The following AAGAB variants were observed in gnomAD, a reference collection of about 807,000 sequenced individuals.
AAGAB encodes alpha- and gamma-adaptin-binding protein p34.
A neutral mutation model predicts 44.1 loss-of-function variants in AAGAB; 38 were observed. The ratio of observed to expected loss-of-function variants is 0.86; its 90% CI spans 0.67 to 1.13. AAGAB has a LOEUF of 1.13. AAGAB is among the 50% of genes most tolerant of loss of function. The pLI, the probability that AAGAB is intolerant of heterozygous loss-of-function variation, is 0.00. For synonymous variants in AAGAB, 131 were observed against 131.8 expected, an observed-to-expected ratio of 0.99 and a Z score of 0.04; for missense variants, 450 against 373.8, an observed-to-expected ratio of 1.20 and a Z score of -1.68.
intron 1 of AAGAB, among the ~76,000 whole-genome samples, chr15:67,240,666 C>G (rs1964575126): frequency 6.6e-6 from 1 of 152,168 alleles, no homozygotes; most frequent in African/African-American, 2.4e-5. Flanking sequence ...TTTACAAAGC[C>G]ATCAATTCTC....
At chr15:67,246,323 C>T (rs556411663) in intron 1 of AAGAB, among the ~76,000 whole-genome samples, 2 of 148,722 alleles carry the variant, frequency 1.3e-5, no homozygotes, top group African/African-American at 2.5e-5. Context: ...GCCCGGGAGG[C>T]GAAGGCTGCA....
intron 5 of AAGAB, among the ~76,000 whole-genome samples, chr15:67,231,384 A>T (rs1964331223): frequency 6.6e-6 from 1 of 152,036 alleles, no homozygotes; most frequent in South Asian, 2.1e-4. Flanking sequence ...CTCTCTCTAT[A>T]CTTAAGCCTA....
intron 1 of AAGAB, among the ~76,000 whole-genome samples, chr15:67,251,902 C>T (rs2140403283): frequency 6.6e-6 from 1 of 152,346 alleles, no homozygotes; most frequent in Middle Eastern, 3.4e-3. Context: ...CACTGCTACC[C>T]TATTCACAAC....
chr15:67,229,540 C>G (rs1020919563), intron 5 of AAGAB, among the ~76,000 whole-genome samples: 13 of 151,376 alleles, frequency 8.6e-5, no homozygotes, highest in Non-Finnish European at 1.6e-4. Flanking sequence ...AATCTAGCAC[C>G]CTTGCAATTC....
rs769442825 is a variant in AAGAB at position 67,236,294 on chromosome 15, TA to T, written c.361+113del. On this transcript the variant is annotated intron_variant, in intron 3 of 9. Coordinates refer to ENST00000261880, the MANE Select transcript of AAGAB (RefSeq NM_024666.5). Reference sequence around the variant, plus strand: ...AGAAAAATAGCTGAAAATATTTTCATAAAGCCATAAAGTCACATGGGATGTA... The same window carrying T: ...AGAAAAATAGCTGAAAATATTTTCATAAGCCATAAAGTCACATGGGATGTA... 1.9e-5 allele frequency: 20 copies of T among 1,080,966 alleles called. No individual in the cohort carries two copies. The South Asian group carries it at 2.2e-4, about 12-fold the overall frequency. The allele number at this position is 1,080,966 out of a possible 1,614,324, so 67.0% of individuals were successfully genotyped here.
intron 5 of AAGAB, among the ~76,000 whole-genome samples, chr15:67,219,773 A>T (rs1964028181): frequency 6.6e-6 from 1 of 152,206 alleles, no homozygotes; most frequent in African/African-American, 2.4e-5. Flanking sequence ...TTAAATGCAC[A>T]CTTTGGCTTA....
At chr15:67,246,784 G>A (rs147077741) in intron 1 of AAGAB, among the ~76,000 whole-genome samples, 271 of 150,850 alleles carry the variant, frequency 1.8e-3, no homozygotes, top group African/African-American at 6.2e-3. Context: ...CTGCAAAAAC[G>A]CACCAATCAG....
intron 1 of AAGAB, among the ~76,000 whole-genome samples, chr15:67,245,676 A>G (rs984812944): frequency 6.6e-6 from 1 of 152,248 alleles, no homozygotes; most frequent in African/African-American, 2.4e-5. Context: ...CCCATTACTA[A>G]TAAGGTAGGT....
At chr15:67,223,329 C>A (rs1964125757) in intron 5 of AAGAB, among the ~76,000 whole-genome samples, 2 of 152,198 alleles carry the variant, frequency 1.3e-5, no homozygotes, top group African/African-American at 4.8e-5. Flanking sequence ...CCATGTCAAA[C>A]TCAACATGTC....
chr15:67,218,878 C>T (rs1010438304), intron 5 of AAGAB, among the ~76,000 whole-genome samples: 7 of 152,110 alleles, frequency 4.6e-5, no homozygotes, highest in African/African-American at 1.7e-4. Flanking sequence ...TGAGCTACAG[C>T]CAAACTTTGA....
chr15:67,224,473 T>TA (rs1450801436), intron 5 of AAGAB, among the ~76,000 whole-genome samples: 1 of 152,148 alleles, frequency 6.6e-6, no homozygotes, highest in African/African-American at 2.4e-5. Flanking sequence ...ACAGAGGAGT[T>TA]ATGAGAAGGA....
In AAGAB at chr15:67,236,478, T is replaced by G; in HGVS notation, c.291A>C (p.Ser97=). 6.2e-7 allele frequency: 1 copy of G among 1,613,962 alleles called. No individual in the cohort carries two copies. The highest frequency in any genetic ancestry group is 1.1e-5 in the South Asian group (1 of 91,072). ...TQKSGLDSVS[S]WLPLAKAWLP... ...ACCATGCTTTTGCCAGTGGAAGCCA[T>G]GAGGAGACACTATCAAGGCCCGATT... Residue 97 remains serine (S), a synonymous_variant, in exon 3 of 10, where the codon TCA becomes TCC. Coordinates refer to ENST00000261880, the MANE Select transcript of AAGAB (RefSeq NM_024666.5).
chr15:67,234,086 CAA>C (rs34634730), intron 4 of AAGAB, among the ~76,000 whole-genome samples: 13 of 116,192 alleles, frequency 1.1e-4, no homozygotes, highest in Non-Finnish European at 1.1e-4. Flanking sequence ...ACTAAAAATA[CAA>C]AAAAAAAAAA....
Position 67,200,802 on chromosome 15 carries a change from C to T in AAGAB, c.*2019G>A, listed in dbSNP as rs1417808853. 6.6e-6 allele frequency among the ~76,000 whole-genome samples: 1 copy of T among 152,218 alleles called. No homozygotes were observed. Among genetic ancestry groups the T allele is most frequent in the East Asian group, 1.9e-4 (1 of 5,208 alleles). On this transcript the variant is annotated 3_prime_UTR_variant, in exon 10 of 10. Transcript: ENST00000261880. ...TAACATGGGCTTTTAGTAGATTTCACTAGAGACCTTCATCCCATATGTCCC... is the reference window on the plus strand; with the variant it reads ...TAACATGGGCTTTTAGTAGATTTCATTAGAGACCTTCATCCCATATGTCCC...
intron 1 of AAGAB, among the ~76,000 whole-genome samples, chr15:67,237,207 G>C (rs147867812): frequency 2.6e-5 from 4 of 152,258 alleles, no homozygotes; most frequent in Admixed American, 2.6e-4. Flanking sequence ...TCTAGAATTT[G>C]TAACTATTTT....
intron 4 of AAGAB, among the ~76,000 whole-genome samples, chr15:67,234,581 A>C (rs1032028069): frequency 2.0e-5 from 3 of 152,236 alleles, no homozygotes; most frequent in Non-Finnish European, 4.4e-5. Flanking sequence ...GGTTTTCATT[A>C]CCTTACCTAA....
At chr15:67,254,436 C>T (rs1965013469) in intron 1 of AAGAB, 123 bp downstream of exon 1, 6 of 1,452,370 alleles carry the variant, frequency 4.1e-6, no homozygotes, top group South Asian at 2.9e-5. Context: ...GGCGCCTCCA[C>T]TGACTGGAGG....
At chr15:67,227,923 C>T (rs1964241867) in intron 5 of AAGAB, among the ~76,000 whole-genome samples, 2 of 151,936 alleles carry the variant, frequency 1.3e-5, no homozygotes, top group South Asian at 4.2e-4. Flanking sequence ...TGGTTAACAG[C>T]AAACTAATGC....
intron 7 of AAGAB, 104 bp downstream of exon 7, chr15:67,208,458 C>T: frequency 2.5e-5 from 24 of 962,516 alleles, no homozygotes; most frequent in Admixed American, 1.9e-4. Context: ...CAATTTTTTT[C>T]CCTTCTCTGT....
Sources: gnomAD v4.1 joint callset for allele counts (sites outside exome capture counted in the v4.1 genomes callset) on GRCh38, gnomAD v4.1.1 for gene constraint, MANE v1.5 for transcripts, NCBI Gene and HGNC (gene_info 2026-07-23, HGNC 2026-07-21) for gene names.